The following DMD variants were observed in gnomAD, a reference collection of about 807,000 sequenced individuals.
DMD encodes dystrophin.
In DMD, 63 loss-of-function variants were observed where a neutral mutation model predicts 330.1. The observed-to-expected ratio is 0.19, with a 90% CI of 0.16 to 0.24. The LOEUF (loss-of-function observed/expected upper bound fraction) is 0.24. Among genes scored for constraint, DMD ranks in the 10% least tolerant of loss-of-function variants. The pLI is 1.00. For synonymous variants in DMD, 1,223 were observed against 959.8 expected (o/e 1.27, Z -5.07); for missense variants, 3,344 against 2,684.1 (o/e 1.25, Z -5.43).
chrX:32,986,916 C>T (rs1040683629), intron 2 of DMD, among the ~76,000 whole-genome samples: 3 of 112,385 alleles, frequency 2.7e-5, no homozygotes, highest in African/African-American at 9.7e-5. Flanking sequence ...TTTATTACAA[C>T]CTTTCCCTTT....
intron 60 of DMD, among the ~76,000 whole-genome samples, chrX:31,366,496 A>AAAAAAAAAAAAAAC (rs2089265599): frequency 1.6e-5 from 1 of 63,517 alleles, no homozygotes; most frequent in African/African-American, 6.3e-5. Context: ...AAAAAAAAAA[A>AAAAAAAAAAAAAAC]CATAAAAAAA....
chrX:32,987,966 C>T, intron 2 of DMD, among the ~76,000 whole-genome samples: 1 of 107,968 alleles, frequency 9.3e-6, no homozygotes, highest in Non-Finnish European at 1.9e-5. Flanking sequence ...ACAGGAAAAT[C>T]ATATATACAT....
At chrX:32,778,601 T>A (rs763730087) in intron 7 of DMD, among the ~76,000 whole-genome samples, 1 of 112,320 alleles carries the variant, frequency 8.9e-6, no homozygotes, top group East Asian at 2.8e-4. Context: ...GCTTTGTTCC[T>A]TTCTGGAAAT....
chrX:31,122,283 G>GATGGGATACATCTTTT (rs2032756155), intron 78 of DMD, among the ~76,000 whole-genome samples: 1 of 111,810 alleles, frequency 8.9e-6, no homozygotes, highest in Non-Finnish European at 1.9e-5. Flanking sequence ...AATATTCCAT[G>GATGGGATACATCTTTT]ATGGGATACA....
chrX:31,748,640 GT>G (rs901296727), intron 51 of DMD, among the ~76,000 whole-genome samples: 15 of 111,781 alleles, frequency 1.3e-4, no homozygotes, highest in African/African-American at 4.9e-4. Flanking sequence ...CTTTTCCTAT[GT>G]GCTAGATATT....
At chrX:32,367,665 G>C (rs2097859079) in intron 34 of DMD, among the ~76,000 whole-genome samples, 1 of 111,999 alleles carries the variant, frequency 8.9e-6, no homozygotes, top group Admixed American at 9.5e-5. Context: ...ACCATTATGT[G>C]TCAACATCTG....
intron 44 of DMD, among the ~76,000 whole-genome samples, chrX:32,162,727 C>T (rs776898986): frequency 1.1e-4 from 12 of 105,274 alleles, no homozygotes; most frequent in Admixed American, 6.3e-4. Context: ...TGTGCCACAA[C>T]GCCCAGCTAA....
chrX:31,748,101 C>A (rs1421829753), intron 51 of DMD, among the ~76,000 whole-genome samples: 2 of 111,707 alleles, frequency 1.8e-5, no homozygotes, highest in Non-Finnish European at 3.8e-5. Flanking sequence ...ATGTTCTCTG[C>A]CCTTTGTCTC....
At chrX:31,695,097 A>G (rs2083372471) in intron 52 of DMD, among the ~76,000 whole-genome samples, 1 of 111,597 alleles carries the variant, frequency 9.0e-6, no homozygotes, top group Non-Finnish European at 1.9e-5. Flanking sequence ...AATAAAAAAG[A>G]ATTATATCCT....
chrX:32,353,225 G>A (rs1312933029), intron 37 of DMD, among the ~76,000 whole-genome samples: 2 of 111,342 alleles, frequency 1.8e-5, no homozygotes, highest in African/African-American at 3.2e-5. Flanking sequence ...CACTAGTTCA[G>A]CATTAGGCTA....
intron 60 of DMD, among the ~76,000 whole-genome samples, chrX:31,416,717 A>G (rs180858774): frequency 6.9e-4 from 77 of 112,309 alleles, no homozygotes; most frequent in African/African-American, 2.4e-3. Context: ...TGAGGTAGCC[A>G]TTCCTCATCC....
intron 15 of DMD, among the ~76,000 whole-genome samples, chrX:32,571,234 T>G (rs759014452): frequency 8.9e-6 from 1 of 111,975 alleles, no homozygotes; most frequent in East Asian, 2.8e-4. Flanking sequence ...CTCACTTATT[T>G]ACTGAAAGGA....
At chrX:32,250,645 T>C (rs1019950993) in intron 43 of DMD, among the ~76,000 whole-genome samples, 5 of 111,925 alleles carry the variant, frequency 4.5e-5, no homozygotes, top group Non-Finnish European at 9.4e-5. Flanking sequence ...GGAGAAGGCA[T>C]TGCATTCGCA....
intron 29 of DMD, among the ~76,000 whole-genome samples, chrX:32,431,818 G>A (rs1254699471): frequency 9.1e-6 from 1 of 110,408 alleles, no homozygotes; most frequent in Non-Finnish European, 1.9e-5. Flanking sequence ...TAAACTCACC[G>A]TTCGTTGTAT....
intron 67 of DMD, among the ~76,000 whole-genome samples, chrX:31,194,075 T>G (rs1371467855): frequency 9.0e-6 from 1 of 110,789 alleles, no homozygotes; most frequent in Non-Finnish European, 1.9e-5. Context: ...CAGCTACTCC[T>G]GAGGCTGAGG....
chrX:32,351,009 T>C (rs1037172667), intron 37 of DMD, among the ~76,000 whole-genome samples: 3 of 111,235 alleles, frequency 2.7e-5, no homozygotes, highest in African/African-American at 9.8e-5. Context: ...ACAAGTTATT[T>C]ATCCTCATTG....
At chrX:32,337,241 T>A (rs1471538118) in intron 41 of DMD, among the ~76,000 whole-genome samples, 1 of 111,085 alleles carries the variant, frequency 9.0e-6, no homozygotes, top group Admixed American at 9.7e-5. Flanking sequence ...GATGTCTAGG[T>A]TTCTGACTTA....
intron 7 of DMD, among the ~76,000 whole-genome samples, chrX:32,730,935 G>A (rs190366679): frequency 7.9e-4 from 88 of 111,711 alleles, no homozygotes; most frequent in African/African-American, 2.3e-3. Flanking sequence ...GAACAGCTCC[G>A]GTCTACAGCT....
intron 54 of DMD, among the ~76,000 whole-genome samples, chrX:31,644,675 C>G (rs2079977446): frequency 8.9e-6 from 1 of 112,032 alleles, no homozygotes; most frequent in African/African-American, 3.2e-5. Context: ...GGCTTGAAGT[C>G]AAGAATGAGT....
Sources: allele counts gnomAD v4.1 joint callset (sites outside exome capture counted in the v4.1 genomes callset), GRCh38; gene constraint gnomAD v4.1.1; transcripts MANE v1.5; gene names NCBI Gene and HGNC (gene_info 2026-07-23, HGNC 2026-07-21).